The following COL13A1 variants were observed in gnomAD, a reference collection of about 807,000 sequenced individuals.
COL13A1 encodes the protein collagen type XIII alpha 1 chain.
COL13A1 carries 89 observed loss-of-function variants against 130.9 expected under a neutral mutation model. The observed-to-expected ratio is 0.68, with a 90% confidence interval of 0.57 to 0.81. The LOEUF (loss-of-function observed/expected upper bound fraction) is 0.81, where lower values mean the gene tolerates loss of function less well. COL13A1 is among the 30% of genes least tolerant of loss of function. The pLI is 0.00. For synonymous variants in COL13A1, 402 were observed against 341.6 expected, an observed-to-expected ratio of 1.18 and a Z score of -1.95; for missense variants, 879 against 934.6, an observed-to-expected ratio of 0.94 and a Z score of 0.78.
intron 4 of COL13A1, among the ~76,000 whole-genome samples, chr10:69,873,147 C>T (rs1438721070): frequency 1.3e-5 from 2 of 152,200 alleles, no homozygotes; most frequent in Non-Finnish European, 2.9e-5. Flanking sequence ...AGGCTGGCAC[C>T]AGTCTGCCCT....
At chr10:69,929,700 G>T (rs1199827151) in intron 28 of COL13A1, among the ~76,000 whole-genome samples, 1 of 152,214 alleles carries the variant, frequency 6.6e-6, no homozygotes, top group Non-Finnish European at 1.5e-5. Flanking sequence ...GAGACAGGAA[G>T]GCAAGAACCC....
In COL13A1 at chr10:69,902,794, G is replaced by GC; in HGVS notation, c.803dup (p.Gly269TrpfsTer67). The stretch of plus-strand genomic sequence containing the variant: ...ATCCAAGGTCCACCAGGGCCCCCAG[G>GC]CCCCCCTGGACCAAGTGGACCTCTG... On this transcript the variant is annotated frameshift_variant, in exon 15 of 41. Transcript: ENST00000645393. LOFTEE classifies it high-confidence loss of function. 6 of 1,554,124 alleles carry GC rather than the reference G, an allele frequency of 3.9e-6. No homozygotes were observed. In the Admixed American group the frequency reaches 5.8e-5, roughly 15 times the overall value.
chr10:69,841,151 C>T (rs1418753995), intron 2 of COL13A1, among the ~76,000 whole-genome samples: 1 of 151,944 alleles, frequency 6.6e-6, no homozygotes, highest in African/African-American at 2.4e-5. Flanking sequence ...GGCCTCTGCC[C>T]CTGCTCTTCC....
chr10:69,836,023 C>A lies in COL13A1; in HGVS notation c.364+13585C>A. ...GCCACAGAGCTAGTGTGTGTTGAAG[C>A]CAGAATTTAAGTAGTCTGAGTCTGG... On this transcript the variant is annotated intron_variant, in intron 2 of 40. Coordinates refer to ENST00000645393, the MANE Select transcript of COL13A1 (RefSeq NM_001368882.1). 1.3e-5 allele frequency among the ~76,000 whole-genome samples: 2 copies of A among 152,196 alleles called. 1 individual carries two copies. Among genetic ancestry groups the A allele is most frequent in the East Asian group, 3.8e-4 (2 of 5,198 alleles).
chr10:69,816,753 C>T (rs900319691), intron 1 of COL13A1, among the ~76,000 whole-genome samples: 64 of 152,056 alleles, frequency 4.2e-4, no homozygotes, highest in African/African-American at 1.4e-3. Context: ...TGCAGCCTGG[C>T]TAAGAGGAAG....
intron 40 of COL13A1, 45 bp from the exon 41 acceptor site, chr10:69,958,654 G>C: frequency 6.2e-7 from 1 of 1,613,798 alleles, no homozygotes; most frequent in Admixed American, 1.7e-5. Context: ...AACCTCTGCA[G>C]ACCCACTGAA....
At chr10:69,822,901 G>A (rs1846479925) in intron 2 of COL13A1, among the ~76,000 whole-genome samples, 1 of 152,226 alleles carries the variant, frequency 6.6e-6, no homozygotes, top group South Asian at 2.1e-4. Flanking sequence ...AGCTGGATTA[G>A]GGCAATGTGT....
chr10:69,868,246 G>C (rs975339502), intron 3 of COL13A1, among the ~76,000 whole-genome samples: 1 of 152,152 alleles, frequency 6.6e-6, no homozygotes, highest in Non-Finnish European at 1.5e-5. Context: ...TGCTCCAGGG[G>C]ACTCACATCC....
At chr10:69,877,741 AC>A (rs2059744597) in intron 5 of COL13A1, 4 of 348,498 alleles carry the variant, frequency 1.1e-5, no homozygotes, top group African/African-American at 7.2e-5. Context: ...ACACACACAC[AC>A]ACACGTACGT....
At chr10:69,944,420 C>A in intron 36 of COL13A1, among the ~76,000 whole-genome samples, 1 of 152,096 alleles carries the variant, frequency 6.6e-6, no homozygotes, top group African/African-American at 2.4e-5. Flanking sequence ...CTCTGGGAGG[C>A]CAGGTTGGGA....
chr10:69,892,470 G>C (rs1214272025), intron 10 of COL13A1, among the ~76,000 whole-genome samples: 1 of 152,232 alleles, frequency 6.6e-6, no homozygotes, highest in African/African-American at 2.4e-5. Flanking sequence ...GGGTGGACAA[G>C]ATTGGGGGTC....
At chr10:69,823,057 T>C (rs1220290520) in intron 2 of COL13A1, among the ~76,000 whole-genome samples, 2 of 152,274 alleles carry the variant, frequency 1.3e-5, no homozygotes, top group Non-Finnish European at 1.5e-5. Context: ...CGCCACTTAC[T>C]AGCTCTGTAT....
At chr10:69,907,614 GATAACTAACCCACTCCCACA>G (rs1306082324) in intron 17 of COL13A1, among the ~76,000 whole-genome samples, 55 of 150,686 alleles carry the variant, frequency 3.6e-4, no homozygotes, top group African/African-American at 1.3e-3. Context: ...CCACTTCCAT[GATAACTAACCCACTCCCACA>G]ATAACTAACC....
intron 10 of COL13A1, among the ~76,000 whole-genome samples, chr10:69,892,007 C>A (rs754009977): frequency 3.9e-5 from 6 of 152,210 alleles, no homozygotes; most frequent in Non-Finnish European, 8.8e-5. Context: ...GCTTTTCCTG[C>A]CCTCATTCTG....
rs756044451 is a variant in COL13A1, at chr10:69,957,027, A to G, written c.2169A>G (p.Gln723=). The change falls in exon 40 of 41, where the codon CAA becomes CAG. Residue 723 remains glutamine (Q), a synonymous_variant. Transcript: ENST00000645393. Reference sequence around the variant, plus strand: ...AGGGCGAAGATGGCTTACCAGTCCAAGGCTGCTGGAACAAGGTAAGGCTTC... The same window carrying G: ...AGGGCGAAGATGGCTTACCAGTCCAGGGCTGCTGGAACAAGGTAAGGCTTC... ...CPLGEDGLPV[Q]GCWNK 7 of 1,613,800 alleles carry G rather than the reference A, an allele frequency of 4.3e-6. No homozygotes were observed. Among genetic ancestry groups the G allele is most frequent in the Non-Finnish European group, 5.9e-6 (7 of 1,179,724 alleles).
At chr10:69,893,079 G>A (rs1273834370) in intron 10 of COL13A1, among the ~76,000 whole-genome samples, 3 of 152,216 alleles carry the variant, frequency 2.0e-5, no homozygotes, top group Non-Finnish European at 2.9e-5. Flanking sequence ...GGCCGAGCGC[G>A]GTGGCTCACA....
In COL13A1 at chr10:69,802,274, G is replaced by A; in HGVS notation, c.-150G>A. On this transcript the variant is annotated 5_prime_UTR_variant, in exon 1 of 41. Coordinates refer to ENST00000645393, the MANE Select transcript of COL13A1 (RefSeq NM_001368882.1). ...TTCCTCTCCTACTGCTAATTTTTCC[G>A]TCCTCTTTGCCGGGAGCAGCGGAAA... is the stretch of plus-strand genomic sequence containing the variant. The A allele has an allele frequency of 1.0e-6, 1 of 958,926 alleles. No individual in the cohort carries two copies. The highest frequency in any genetic ancestry group is 1.4e-6 in the Non-Finnish European group (1 of 709,262). The allele number at this position is 958,926 out of a possible 1,614,324, so 59.4% of individuals were successfully genotyped here.
At chr10:69,925,119 C>A in intron 25 of COL13A1, 112 bp downstream of exon 25, 1 of 1,120,298 alleles carries the variant, frequency 8.9e-7, no homozygotes, top group Non-Finnish European at 1.2e-6. Flanking sequence ...AGGTTAAGGG[C>A]ACGTGCCCAA....
Position 69,891,749 on chromosome 10 carries a change from C to T in COL13A1, c.603+2309C>T, listed in dbSNP as rs538951000. Reference sequence around the variant, plus strand: ...ATGCTACCGTAAGGCAGCCCATGGCCCCCCAGAAGTAATAATAATGGTCAT... The same window carrying T: ...ATGCTACCGTAAGGCAGCCCATGGCTCCCCAGAAGTAATAATAATGGTCAT... On this transcript the variant is annotated intron_variant, in intron 10 of 40. Transcript: ENST00000645393. 7.9e-5 allele frequency among the ~76,000 whole-genome samples: 12 copies of T among 152,244 alleles called. 1 individual carries two copies. In the South Asian group the frequency reaches 2.5e-3, roughly 32 times the overall value.
Sources: gnomAD v4.1 joint callset for allele counts (sites outside exome capture counted in the v4.1 genomes callset) on GRCh38, gnomAD v4.1.1 for gene constraint, MANE v1.5 for transcripts, NCBI Gene and HGNC (gene_info 2026-07-23, HGNC 2026-07-21) for gene names.